The following TNKS variants were observed in gnomAD, a reference collection of about 807,000 sequenced individuals.
TNKS encodes the protein poly [ADP-ribose] polymerase tankyrase-1.
Under a neutral mutation model 135.8 loss-of-function variants are expected in TNKS, and 72 were observed. The observed-to-expected ratio is 0.53, with a 90% CI of 0.44 to 0.64. The LOEUF is 0.64. Among genes scored for constraint, TNKS ranks in the 30% least tolerant of loss-of-function variants. The pLI is 0.00. For missense variants in TNKS, 1,769 were observed against 1,674.0 expected, an observed-to-expected ratio of 1.06 and a Z score of -0.99; for synonymous variants, 849 against 649.3, an observed-to-expected ratio of 1.31 and a Z score of -4.68.
At chr8:9,616,448 C>G (rs181450039) in intron 3 of TNKS, among the ~76,000 whole-genome samples, 1 of 152,168 alleles carries the variant, frequency 6.6e-6, no homozygotes, top group Non-Finnish European at 1.5e-5. Flanking sequence ...TAATGAGCCT[C>G]TGTCACTGCA....
At chr8:9,687,190 A>C (rs1001376644) in intron 5 of TNKS, among the ~76,000 whole-genome samples, 1 of 152,226 alleles carries the variant, frequency 6.6e-6, no homozygotes, top group Non-Finnish European at 1.5e-5. Context: ...ATAAAAGGTC[A>C]TACCAGTTTT....
chr8:9,659,234 C>T (rs1158400390), intron 3 of TNKS, among the ~76,000 whole-genome samples: 1 of 152,148 alleles, frequency 6.6e-6, no homozygotes, highest in East Asian at 1.9e-4. Context: ...ACCAAGTGGA[C>T]CTAATAGACA....
At chr8:9,744,524 G>T (rs1160667720) in intron 17 of TNKS, among the ~76,000 whole-genome samples, 1 of 152,110 alleles carries the variant, frequency 6.6e-6, no homozygotes, top group African/African-American at 2.4e-5. Flanking sequence ...GTCTTTTTAG[G>T]TTGTATTTGT....
chr8:9,763,493 C>T (rs1228148257), intron 22 of TNKS, among the ~76,000 whole-genome samples: 1 of 152,142 alleles, frequency 6.6e-6, no homozygotes, highest in East Asian at 1.9e-4. Context: ...TCTTGAATCT[C>T]ATGCAAAATA....
chr8:9,562,919 T>G (rs1057137360), intron 1 of TNKS, among the ~76,000 whole-genome samples: 1 of 152,040 alleles, frequency 6.6e-6, no homozygotes, highest in Non-Finnish European at 1.5e-5. Flanking sequence ...TCTAGATAGA[T>G]TTTCTCAGGT....
intron 7 of TNKS, 109 bp downstream of exon 7, chr8:9,706,362 G>A (rs1244264122): frequency 1.1e-6 from 1 of 875,626 alleles, no homozygotes; most frequent in Admixed American, 3.3e-5. Context: ...GTTCTTTGGG[G>A]TTTTTTGTTT....
chr8:9,667,499 T>C (rs1031396573), intron 3 of TNKS, among the ~76,000 whole-genome samples: 3 of 152,244 alleles, frequency 2.0e-5, no homozygotes, highest in African/African-American at 7.2e-5. Context: ...CTGCATCTTA[T>C]AACCATATCA....
Position 9,560,493 on chromosome 8 carries a change from CTTTTTTTTTTTTTTTTTT to C in TNKS, c.673+3894_673+3911del, listed in dbSNP as rs535715245. Among the ~76,000 whole-genome samples, 3 of 42,310 alleles carry C rather than the reference CTTTTTTTTTTTTTTTTTT, an allele frequency of 7.1e-5. 1 individual carries two copies. The highest frequency in any genetic ancestry group is 2.4e-4 in the African/African-American group (2 of 8,316). 27.8% of individuals were successfully genotyped at this position (42,310 alleles called of 152,430 possible). On this transcript the variant is annotated intron_variant, in intron 1 of 26. Transcript: ENST00000310430. The stretch of plus-strand genomic sequence containing the variant: ...GATTTTTCAGCATGGCCATACTTGT[CTTTTTTTTTTTTTTTTTT>C]TTTTTTTTTTTTCATTTCTCGCCTT...
At chr8:9,659,801 G>A (rs1193760861) in intron 3 of TNKS, among the ~76,000 whole-genome samples, 1 of 152,086 alleles carries the variant, frequency 6.6e-6, no homozygotes, top group Non-Finnish European at 1.5e-5. Context: ...TCCAGGAGCT[G>A]GTTTTTTGGA....
intron 17 of TNKS, among the ~76,000 whole-genome samples, chr8:9,745,846 T>G (rs772133988): frequency 3.3e-5 from 5 of 152,188 alleles, no homozygotes; most frequent in Admixed American, 1.3e-4. Context: ...TTTCTAAAAT[T>G]AGGAAATACA....
At chr8:9,610,245 A>T (rs1251078854) in intron 2 of TNKS, among the ~76,000 whole-genome samples, 1 of 152,136 alleles carries the variant, frequency 6.6e-6, no homozygotes, top group East Asian at 1.9e-4. Context: ...TTATGCTATA[A>T]TAAGTAATGT....
intron 3 of TNKS, among the ~76,000 whole-genome samples, chr8:9,630,099 G>C (rs988336682): frequency 9.2e-5 from 14 of 152,076 alleles, no homozygotes; most frequent in African/African-American, 3.1e-4. Context: ...TGTATATCCC[G>C]TGTCTCCCAC....
At position 9,731,038 on chromosome 8, in the gene TNKS, A is replaced by T; in HGVS notation, c.2147+3A>T. On this transcript the variant is annotated splice_donor_region_variant and intron_variant, in intron 14 of 26. Coordinates refer to ENST00000310430, the MANE Select transcript of TNKS (RefSeq NM_003747.3). ...GATGTCCATGCCAAAGACAAGGGGT[A>T]CGTGTTAGAAGTTAGCTGTTTGGGA... 1 of 1,603,178 alleles carries T rather than the reference A, an allele frequency of 6.2e-7. No homozygotes were observed. Among genetic ancestry groups the T allele is most frequent in the Non-Finnish European group, 8.5e-7 (1 of 1,174,406 alleles).
Position 9,594,623 on chromosome 8 carries a change from A to G in TNKS, c.898+14240A>G, listed in dbSNP as rs551688187. ...TTATTTTTCTACTTTATGTAGTAAC[A>G]TATTTTATTGTCAGTGAATATTTTT... On this transcript the variant is annotated intron_variant, in intron 2 of 26. Coordinates refer to ENST00000310430, the MANE Select transcript of TNKS (RefSeq NM_003747.3). Among the ~76,000 whole-genome samples, 45 of 152,280 alleles carry G rather than the reference A, an allele frequency of 3.0e-4. 1 individual carries two copies. The South Asian group carries it at 9.3e-3, about 32-fold the overall frequency.
intron 2 of TNKS, among the ~76,000 whole-genome samples, chr8:9,583,598 C>G (rs1459417346): frequency 6.6e-6 from 1 of 151,892 alleles, no homozygotes; most frequent in Non-Finnish European, 1.5e-5. Flanking sequence ...AAGTGATTCT[C>G]CTGCCTCAGC....
At chr8:9,654,226 A>G (rs538637207) in intron 3 of TNKS, among the ~76,000 whole-genome samples, 8 of 152,352 alleles carry the variant, frequency 5.3e-5, no homozygotes, top group East Asian at 1.9e-4. Flanking sequence ...TCCCCAAATC[A>G]TACTTGAGAG....
intron 12 of TNKS, among the ~76,000 whole-genome samples, chr8:9,722,690 T>C (rs1012084708): frequency 2.0e-5 from 3 of 152,200 alleles, no homozygotes; most frequent in African/African-American, 4.8e-5. Flanking sequence ...CTAAAAGTTG[T>C]GATTTTTGTT....
intron 20 of TNKS, among the ~76,000 whole-genome samples, chr8:9,760,522 T>TGTCTA (rs773879691): frequency 4.6e-5 from 7 of 152,220 alleles, no homozygotes; most frequent in Non-Finnish European, 7.3e-5. Context: ...GGAAACTGCA[T>TGTCTA]GTCTATAAAA....
chr8:9,566,057 C>T (rs1161539929), intron 1 of TNKS, among the ~76,000 whole-genome samples: 2 of 151,872 alleles, frequency 1.3e-5, no homozygotes, highest in African/African-American at 2.4e-5. Flanking sequence ...ACTCATCAAC[C>T]GTAGAAACCA....
Sources: gnomAD v4.1 joint callset for allele counts (sites outside exome capture counted in the v4.1 genomes callset) on GRCh38, gnomAD v4.1.1 for gene constraint, MANE v1.5 for transcripts, NCBI Gene and HGNC (gene_info 2026-07-23, HGNC 2026-07-21) for gene names.